FILIP1: variants seen among roughly 807,000 people sequenced by gnomAD.
FILIP1 encodes the protein filamin-A-interacting protein 1.
A neutral mutation model predicts 102.1 loss-of-function variants in FILIP1; 61 were observed. The ratio of observed to expected loss-of-function variants is 0.60; its 90% CI spans 0.49 to 0.74. The LOEUF (loss-of-function observed/expected upper bound fraction) is 0.74, where lower values mean the gene tolerates loss of function less well. Ranked by LOEUF, FILIP1 falls within the 30% of genes least tolerant of loss-of-function variation. The pLI, the probability that FILIP1 is intolerant of heterozygous loss-of-function variation, is 0.00. For synonymous variants in FILIP1, 491 were observed against 526.9 expected (o/e 0.93, Z 0.93); for missense variants, 1,314 against 1,441.2 (o/e 0.91, Z 1.43).
intron 2 of FILIP1, chr6:75,385,779 G>A (rs562947163): frequency 6.6e-6 from 1 of 151,846 alleles, no homozygotes. Flanking sequence ...TTCACTCAAA[G>A]TGGGGAGCAC....
intron 1 of FILIP1, among the ~76,000 whole-genome samples, chr6:75,467,190 A>T (rs1779194026): frequency 6.6e-6 from 1 of 152,226 alleles, no homozygotes; most frequent in East Asian, 1.9e-4. Context: ...CTACTTGCAC[A>T]ATAAAATTTC....
intron 1 of FILIP1, among the ~76,000 whole-genome samples, chr6:75,480,772 G>A (rs1360361791): frequency 2.0e-5 from 3 of 152,232 alleles, no homozygotes; most frequent in South Asian, 4.1e-4. Flanking sequence ...GTGGTTTGAG[G>A]GTCAGGAATT....
At chr6:75,472,070 C>A (rs1250773564) in intron 1 of FILIP1, among the ~76,000 whole-genome samples, 4 of 152,044 alleles carry the variant, frequency 2.6e-5, no homozygotes, top group African/African-American at 9.7e-5. Flanking sequence ...GTACTGCAAG[C>A]AATTTGCTTT....
intron 1 of FILIP1, among the ~76,000 whole-genome samples, chr6:75,415,905 T>C (rs1777250924): frequency 6.6e-6 from 1 of 152,184 alleles, no homozygotes; most frequent in East Asian, 1.9e-4. Context: ...CCAACAGGTA[T>C]GTTACAAACA....
intron 4 of FILIP1, chr6:75,319,690 C>T (rs531460073): frequency 1.4e-4 from 46 of 336,180 alleles, no homozygotes; most frequent in African/African-American, 5.4e-4. Context: ...ATTAGCCGGG[C>T]GTAGCGGCGG....
At chr6:75,337,437 C>A (rs180885185) in intron 4 of FILIP1, among the ~76,000 whole-genome samples, 2 of 152,076 alleles carry the variant, frequency 1.3e-5, no homozygotes, top group Non-Finnish European at 2.9e-5. Flanking sequence ...GACATGATTC[C>A]TGAATTATGA....
chr6:75,440,119 T>C (rs1158049247), intron 1 of FILIP1, among the ~76,000 whole-genome samples: 4 of 152,150 alleles, frequency 2.6e-5, no homozygotes, highest in Non-Finnish European at 4.4e-5. Context: ...GATAGGAAAA[T>C]AACTTCTGGG....
chr6:75,454,284 C>T (rs1778744991), intron 1 of FILIP1, among the ~76,000 whole-genome samples: 1 of 152,136 alleles, frequency 6.6e-6, no homozygotes, highest in African/African-American at 2.4e-5. Flanking sequence ...CACACTAGAA[C>T]CCTACATCTC....
intron 2 of FILIP1, among the ~76,000 whole-genome samples, chr6:75,378,564 G>C (rs1582417502): frequency 6.6e-6 from 1 of 152,180 alleles, no homozygotes; most frequent in Admixed American, 6.5e-5. Context: ...CTTGTGACTG[G>C]AGGGGGTTAT....
chr6:75,425,013 T>C (rs1374374134), intron 1 of FILIP1, among the ~76,000 whole-genome samples: 2 of 152,156 alleles, frequency 1.3e-5, no homozygotes, highest in African/African-American at 4.8e-5. Context: ...TGTGTCTTTT[T>C]TGAACTTCTC....
intron 1 of FILIP1, among the ~76,000 whole-genome samples, chr6:75,439,196 C>G (rs1038794080): frequency 6.6e-6 from 1 of 152,164 alleles, no homozygotes; most frequent in African/African-American, 2.4e-5. Flanking sequence ...GAAACCCCAT[C>G]TCTACTAAAA....
At chr6:75,461,917 A>C (rs1436716225) in intron 1 of FILIP1, among the ~76,000 whole-genome samples, 1 of 152,202 alleles carries the variant, frequency 6.6e-6, no homozygotes, top group Non-Finnish European at 1.5e-5. Context: ...AGGTGCCTAC[A>C]CAACTTTCAA....
intron 1 of FILIP1, among the ~76,000 whole-genome samples, chr6:75,418,335 T>TA (rs1284588273): frequency 2.0e-5 from 3 of 152,214 alleles, no homozygotes; most frequent in Non-Finnish European, 4.4e-5. Context: ...TACTCAGCAA[T>TA]AATATGTTTT....
At chr6:75,376,034 T>A (rs191953789) in intron 2 of FILIP1, among the ~76,000 whole-genome samples, 1 of 152,192 alleles carries the variant, frequency 6.6e-6, no homozygotes, top group African/African-American at 2.4e-5. Context: ...TATTATAAAG[T>A]CCCCCTCCAC....
chr6:75,358,745 CAG>C (rs1292494561), intron 3 of FILIP1: 1 of 151,734 alleles, frequency 6.6e-6, no homozygotes, highest in East Asian at 1.9e-4. Flanking sequence ...TTTTTTGAGA[CAG>C]AGTCTTGCTC....
At chr6:75,361,326 C>T (rs188399352) in intron 3 of FILIP1, among the ~76,000 whole-genome samples, 1 of 152,254 alleles carries the variant, frequency 6.6e-6, no homozygotes, top group Admixed American at 6.5e-5. Context: ...CCTGGGTAAG[C>T]GTGTATGCTC....
At chr6:75,481,924 T>C (rs1048822491) in intron 1 of FILIP1, among the ~76,000 whole-genome samples, 2 of 152,168 alleles carry the variant, frequency 1.3e-5, no homozygotes, top group Non-Finnish European at 2.9e-5. Context: ...AACCCAAATA[T>C]AGTTTAAATT....
chr6:75,327,592 TA>T, intron 4 of FILIP1, among the ~76,000 whole-genome samples: 1 of 68,210 alleles, frequency 1.5e-5, no homozygotes, highest in East Asian at 3.1e-4. Context: ...AAATATAAAA[TA>T]AAAAGGTCAA....
At chr6:75,485,182 A>G (rs2149783361) in intron 1 of FILIP1, among the ~76,000 whole-genome samples, 1 of 152,348 alleles carries the variant, frequency 6.6e-6, no homozygotes. Context: ...TGTTATGTCA[A>G]GAAAACAGAC....
Sources: gnomAD v4.1 joint callset for allele counts (sites outside exome capture counted in the v4.1 genomes callset) on GRCh38, gnomAD v4.1.1 for gene constraint, MANE v1.5 for transcripts, NCBI Gene and HGNC (gene_info 2026-07-23, HGNC 2026-07-21) for gene names.